Variants in MTREX observed in about 807,000 individuals in gnomAD.
MTREX encodes the protein exosome RNA helicase MTR4.
A neutral mutation model predicts 135.4 loss-of-function variants in MTREX; 76 were observed. The observed-to-expected ratio is 0.56, with a 90% CI of 0.47 to 0.68. The LOEUF (loss-of-function observed/expected upper bound fraction) is 0.68. Ranked by LOEUF, MTREX falls within the 30% of genes least tolerant of loss-of-function variation. MTREX has a pLI of 0.00. For synonymous variants in MTREX, 404 were observed against 401.6 expected (o/e 1.01, Z -0.07); for missense variants, 920 against 1,262.1 (o/e 0.73, Z 4.11).
chr5:55,323,564 A>G (rs1041198455), intron 2 of MTREX, among the ~76,000 whole-genome samples: 7 of 152,118 alleles, frequency 4.6e-5, no homozygotes, highest in African/African-American at 1.7e-4. Flanking sequence ...CTGGGACTAC[A>G]GGCGCGTGCC....
intron 1 of MTREX, among the ~76,000 whole-genome samples, chr5:55,315,511 T>TA (rs1409251123): frequency 6.6e-6 from 1 of 152,040 alleles, no homozygotes; most frequent in Non-Finnish European, 1.5e-5. Context: ...TATTTGTAGT[T>TA]ATTATTATTA....
intron 18 of MTREX, 106 bp from the exon 19 acceptor site, chr5:55,387,868 A>ATC: frequency 9.4e-7 from 1 of 1,064,122 alleles, no homozygotes; most frequent in Non-Finnish European, 1.3e-6. Flanking sequence ...AGTTTGTGTC[A>ATC]GTCATAATGC....
At chr5:55,369,083 C>CT (rs1750153196) in intron 16 of MTREX, among the ~76,000 whole-genome samples, 1 of 151,480 alleles carries the variant, frequency 6.6e-6, no homozygotes, top group Admixed American at 6.6e-5. Context: ...CTATAAATCC[C>CT]TTTCTCCCAC....
At chr5:55,382,399 A>G (rs1461823790) in intron 18 of MTREX, among the ~76,000 whole-genome samples, 3 of 152,052 alleles carry the variant, frequency 2.0e-5, no homozygotes, top group African/African-American at 7.2e-5. Context: ...GGCTTTCCAT[A>G]TACGTATTAT....
chr5:55,373,295 G>T (rs969750306), intron 16 of MTREX, among the ~76,000 whole-genome samples: 3 of 150,624 alleles, frequency 2.0e-5, no homozygotes, highest in African/African-American at 7.3e-5. Flanking sequence ...GCTTTCTTGG[G>T]TTTTTTTACT....
Position 55,425,388 on chromosome 5 carries a change from C to CAA in MTREX, c.*618_*619dup. ...TTTAGATCAAGTTAAAAACTACATACAAAGTTGTGATCAACAGCATCCTAA... is the reference window on the plus strand; with the variant it reads ...TTTAGATCAAGTTAAAAACTACATACAAAAAGTTGTGATCAACAGCATCCTAA... On this transcript the variant is annotated 3_prime_UTR_variant, in exon 27 of 27. Coordinates refer to ENST00000230640, the MANE Select transcript of MTREX (RefSeq NM_015360.5). The CAA allele has an allele frequency of 1.4e-6, 2 of 1,477,956 alleles. No homozygotes were observed. The highest frequency in any genetic ancestry group is 3.9e-5 in the Admixed American group (2 of 50,942). The allele number at this position is 1,477,956 out of a possible 1,614,324, so 91.6% of individuals were successfully genotyped here.
intron 16 of MTREX, among the ~76,000 whole-genome samples, chr5:55,374,811 C>T (rs6886473): frequency 0.14 from 21,361 of 152,132 alleles, 1,893 homozygotes; most frequent in East Asian, 0.26. Flanking sequence ...CAAAATAGAC[C>T]GAAAACCAAT....
intron 1 of MTREX, among the ~76,000 whole-genome samples, chr5:55,313,408 T>G (rs1749147768): frequency 6.6e-6 from 1 of 152,082 alleles, no homozygotes; most frequent in Non-Finnish European, 1.5e-5. Flanking sequence ...GACACTGCAC[T>G]CTAGCCTAGG....
rs538603569 is a variant in MTREX at position 55,361,295 on chromosome 5, T to TA, written c.1659+2598dup. Among the ~76,000 whole-genome samples, 3 of 151,794 alleles carry TA rather than the reference T, an allele frequency of 2.0e-5. No individual in the cohort carries two copies. In the South Asian group the frequency reaches 6.2e-4, roughly 31 times the overall value. The stretch of plus-strand genomic sequence containing the variant: ...TTCATAGTCACCTTATATGTAGAAA[T>TA]AGTAGGTTTACTTTATACATTAGTA... On this transcript the variant is annotated intron_variant, in intron 15 of 26. Coordinates refer to ENST00000230640, the MANE Select transcript of MTREX (RefSeq NM_015360.5).
At chr5:55,315,346 C>G (rs1749181331) in intron 1 of MTREX, among the ~76,000 whole-genome samples, 1 of 152,080 alleles carries the variant, frequency 6.6e-6, no homozygotes, top group African/African-American at 2.4e-5. Context: ...AATAAAGTCA[C>G]GTTTGTCGTT....
intron 14 of MTREX, among the ~76,000 whole-genome samples, chr5:55,355,782 G>A (rs1460079772): frequency 6.6e-6 from 1 of 152,214 alleles, no homozygotes; most frequent in African/African-American, 2.4e-5. Flanking sequence ...CATAAGCTTT[G>A]TGTTTACCTG....
intron 11 of MTREX, 107 bp downstream of exon 11, chr5:55,347,251 C>T: frequency 8.9e-7 from 1 of 1,125,222 alleles, no homozygotes; most frequent in Non-Finnish European, 1.3e-6. Flanking sequence ...TGCCATTCAC[C>T]TTACAGTTAC....
rs370165556 is a variant in MTREX at position 55,322,388 on chromosome 5, G to T, written c.196G>T (p.Val66Leu). Residue 66 changes from valine to leucine, a missense_variant, in exon 2 of 27, where the codon GTA (valine) becomes TTA (leucine). Val to Leu is a conservative substitution (Grantham distance 32). Transcript: ENST00000230640. ...STNNGKNKRD[V>L]DFEGTDEPIF... ...TAATAATGGAAAAAATAAGAGAGAT[G>T]TAGATTTCGAAGGTACAGATGAACC... is the stretch of plus-strand genomic sequence containing the variant. 56 of 1,608,436 alleles carry T rather than the reference G, an allele frequency of 3.5e-5. No individual in the cohort carries two copies. The African/African-American group carries it at 7.2e-4, about 21-fold the overall frequency.
At chr5:55,392,351 C>G (rs1750582968) in intron 19 of MTREX, among the ~76,000 whole-genome samples, 1 of 152,054 alleles carries the variant, frequency 6.6e-6, no homozygotes, top group African/African-American at 2.4e-5. Context: ...CGAGACCAGC[C>G]TGGCCAACGT....
chr5:55,387,879 T>G, intron 18 of MTREX, 95 bp from the exon 19 acceptor site: 1 of 1,238,878 alleles, frequency 8.1e-7, no homozygotes, highest in Non-Finnish European at 1.1e-6. Context: ...GTCATAATGC[T>G]AAATGCTGAG....
At chr5:55,392,351 CTGGCCAACG>C (rs1406762361) in intron 19 of MTREX, among the ~76,000 whole-genome samples, 58 of 152,172 alleles carry the variant, frequency 3.8e-4, no homozygotes, top group African/African-American at 1.3e-3. Context: ...CGAGACCAGC[CTGGCCAACG>C]TGGCCAAAAC....
chr5:55,327,654 C>A, intron 3 of MTREX, 62 bp from the exon 4 acceptor site: 1 of 1,261,184 alleles, frequency 7.9e-7, no homozygotes, highest in Non-Finnish European at 1.2e-6. Context: ...TTATGGAATG[C>A]TAAATACATC....
At chr5:55,419,786 ATTTT>A (rs1200353109) in intron 25 of MTREX, among the ~76,000 whole-genome samples, 6 of 151,782 alleles carry the variant, frequency 4.0e-5, no homozygotes, top group Admixed American at 2.0e-4. Context: ...TATGCTTTTT[ATTTT>A]TTTTCAGTCC....
intron 15 of MTREX, among the ~76,000 whole-genome samples, chr5:55,365,004 G>T (rs545229956): frequency 2.8e-4 from 42 of 152,304 alleles, no homozygotes; most frequent in Non-Finnish European, 4.6e-4. Context: ...TGGTACAGCA[G>T]GTGTAAGTTG....
Sources: gnomAD v4.1 joint callset for allele counts (sites outside exome capture counted in the v4.1 genomes callset) on GRCh38, gnomAD v4.1.1 for gene constraint, MANE v1.5 for transcripts, NCBI Gene and HGNC (gene_info 2026-07-23, HGNC 2026-07-21) for gene names.